AMBRA1: variants seen among roughly 807,000 people sequenced by gnomAD.
The protein encoded by AMBRA1 is activating molecule in BECN1-regulated autophagy protein 1.
AMBRA1 carries 47 observed loss-of-function variants against 125.4 expected under a neutral mutation model. That is an observed-to-expected ratio of 0.37 (90% CI 0.30 to 0.48). The LOEUF (loss-of-function observed/expected upper bound fraction) is 0.48. AMBRA1 is among the 20% of genes least tolerant of loss of function. The pLI is 0.99. For missense variants in AMBRA1, 1,331 were observed against 1,693.4 expected (o/e 0.79, Z 3.76); for synonymous variants, 626 against 655.5 (o/e 0.95, Z 0.69).
intron 9 of AMBRA1, among the ~76,000 whole-genome samples, chr11:46,505,771 G>C (rs186108210): frequency 6.6e-6 from 1 of 152,006 alleles, no homozygotes. Flanking sequence ...AGAGAGAGAG[G>C]AGGTGGTAGC....
intron 9 of AMBRA1, chr11:46,494,553 T>C (rs911149904): frequency 2.8e-5 from 5 of 180,370 alleles, no homozygotes; most frequent in Admixed American, 2.2e-4. Context: ...AAAATGTGTC[T>C]TGGGGGGTTG....
At chr11:46,463,638 T>C (rs1018407756) in intron 11 of AMBRA1, among the ~76,000 whole-genome samples, 2 of 152,216 alleles carry the variant, frequency 1.3e-5, no homozygotes, top group African/African-American at 4.8e-5. Context: ...TTTGAGAAGA[T>C]ACCCACTCAA....
chr11:46,415,957 G>A (rs552477301), intron 15 of AMBRA1, among the ~76,000 whole-genome samples: 1 of 152,200 alleles, frequency 6.6e-6, no homozygotes, highest in Non-Finnish European at 1.5e-5. Flanking sequence ...GCAGGCTGGG[G>A]TTTCAGACAT....
intron 8 of AMBRA1, among the ~76,000 whole-genome samples, chr11:46,509,650 A>G (rs1951185773): frequency 6.6e-6 from 1 of 152,200 alleles, no homozygotes; most frequent in Non-Finnish European, 1.5e-5. Context: ...CTCACAAGGA[A>G]AGTCCTCTAA....
intron 11 of AMBRA1, among the ~76,000 whole-genome samples, chr11:46,478,947 C>T (rs963494729): frequency 6.6e-6 from 1 of 152,156 alleles, no homozygotes; most frequent in Non-Finnish European, 1.5e-5. Context: ...GCCAGTAATC[C>T]TAACACTTTG....
chr11:46,489,476 A>G (rs1043021943), intron 11 of AMBRA1, among the ~76,000 whole-genome samples: 4 of 151,858 alleles, frequency 2.6e-5, no homozygotes, highest in Admixed American at 2.6e-4. Context: ...AAAGAAGAAG[A>G]AGGAGTCATA....
intron 11 of AMBRA1, among the ~76,000 whole-genome samples, chr11:46,450,457 TGA>T (rs1278236489): frequency 1.3e-5 from 2 of 151,966 alleles, no homozygotes; most frequent in African/African-American, 2.4e-5. Flanking sequence ...TTTCTTTTCT[TGA>T]GAGAGGGTCT....
chr11:46,560,010 C>T (rs759106309), intron 1 of AMBRA1, among the ~76,000 whole-genome samples: 7 of 152,134 alleles, frequency 4.6e-5, no homozygotes, highest in Admixed American at 1.3e-4. Context: ...AAAGAAGTCT[C>T]GCACCTACAG....
intron 8 of AMBRA1, among the ~76,000 whole-genome samples, chr11:46,511,893 C>T (rs1272419138): frequency 6.6e-6 from 1 of 152,042 alleles, no homozygotes; most frequent in Non-Finnish European, 1.5e-5. Context: ...CTTGCTCTGT[C>T]ACCCAGGCTG....
chr11:46,577,788 TA>T (rs1565317455), intron 1 of AMBRA1, among the ~76,000 whole-genome samples: 1 of 151,918 alleles, frequency 6.6e-6, no homozygotes, highest in Admixed American at 6.6e-5. Flanking sequence ...CTGTCTCTAC[TA>T]AAAGTACAAA....
At chr11:46,571,523 A>G (rs1468102396) in intron 1 of AMBRA1, among the ~76,000 whole-genome samples, 3 of 151,934 alleles carry the variant, frequency 2.0e-5, no homozygotes, top group Non-Finnish European at 4.4e-5. Context: ...AAAAATACAA[A>G]AATTAGCCAG....
intron 1 of AMBRA1, among the ~76,000 whole-genome samples, chr11:46,561,635 T>C (rs1315173975): frequency 6.6e-6 from 1 of 152,200 alleles, no homozygotes; most frequent in Non-Finnish European, 1.5e-5. Flanking sequence ...AGATACTGTG[T>C]TCAGTGTTTT....
chr11:46,412,734 TG>T (rs2136631483), intron 15 of AMBRA1, among the ~76,000 whole-genome samples: 1 of 152,274 alleles, frequency 6.6e-6, no homozygotes, highest in East Asian at 1.9e-4. Context: ...TTGTGGGGTT[TG>T]GGGATTGTCT....
chr11:46,575,328 G>A (rs892120895), intron 1 of AMBRA1, among the ~76,000 whole-genome samples: 5 of 151,574 alleles, frequency 3.3e-5, no homozygotes, highest in African/African-American at 9.7e-5. Flanking sequence ...GTGGTGGCAC[G>A]TGCCTGTAAT....
At chr11:46,413,803 C>T (rs140613864) in intron 15 of AMBRA1, among the ~76,000 whole-genome samples, 2 of 152,360 alleles carry the variant, frequency 1.3e-5, no homozygotes, top group African/African-American at 4.8e-5. Flanking sequence ...AAACTCTTAG[C>T]TTTCAATACC....
chr11:46,494,645 A>T (rs1001717519), intron 9 of AMBRA1: 1 of 153,834 alleles, frequency 6.5e-6, no homozygotes, highest in African/African-American at 2.4e-5. Flanking sequence ...TTCCCCCACC[A>T]ATTTCATTTG....
intron 11 of AMBRA1, among the ~76,000 whole-genome samples, chr11:46,461,000 T>C (rs924826044): frequency 5.9e-5 from 9 of 152,220 alleles, no homozygotes; most frequent in African/African-American, 2.2e-4. Context: ...CCCAGCACTT[T>C]GGGAGGCTGA....
chr11:46,582,887 C>T (rs965005545), intron 1 of AMBRA1, among the ~76,000 whole-genome samples: 1 of 149,906 alleles, frequency 6.7e-6, no homozygotes, highest in Non-Finnish European at 1.5e-5. Flanking sequence ...TGCAGAATCA[C>T]AATCAAGAAA....
rs757836617 is a variant in AMBRA1 at position 46,542,353 on chromosome 11, T to G, written c.1664A>C (p.Glu555Ala). Residue 555 changes from glutamate to alanine, a missense_variant, in exon 7 of 18, where the codon GAG becomes GCG. By Grantham distance (107) the Glu-to-Ala change is moderately radical. This residue lies in a region of AMBRA1 where 689 missense variants were observed against 776.5 expected (regional missense o/e 0.89). Transcript: ENST00000683756. The surrounding 1 kb of genome is among the most constrained non-coding windows in gnomAD (Gnocchi z 5.9). Reference protein sequence around the residue: ...PSHQPTPHSSENNSNLSRGHL... With the variant: ...PSHQPTPHSSANNSNLSRGHL... The stretch of plus-strand genomic sequence containing the variant: ...GCCACGGGACAGGTTGGAGTTGTTC[T>G]CACTGCTGTGTGGGGTGGGCTGGTG... The G allele has an allele frequency of 1.9e-6, 3 of 1,614,024 alleles. No individual in the cohort carries two copies. The highest frequency in any genetic ancestry group is 1.7e-6 in the Non-Finnish European group (2 of 1,180,044).
Sources: gnomAD v4.1 joint callset for allele counts (sites outside exome capture counted in the v4.1 genomes callset) on GRCh38, gnomAD v4.1.1 for gene constraint, gnomAD v4.1.1 regional missense constraint, Gnocchi (gnomAD v3.1) non-coding constraint, MANE v1.5 for transcripts, NCBI Gene and HGNC (gene_info 2026-07-23, HGNC 2026-07-21) for gene names.